CLDN10: variants seen among roughly 807,000 people sequenced by gnomAD.
CLDN10 encodes claudin-10.
Under a neutral mutation model 22.9 loss-of-function variants are expected in CLDN10, and 15 were observed. That is an observed-to-expected ratio of 0.65 (90% CI 0.44 to 1.01). CLDN10 has a LOEUF of 1.01. Ranked by LOEUF, CLDN10 falls within the 50% of genes least tolerant of loss-of-function variation. The pLI, the probability that CLDN10 is intolerant of heterozygous loss-of-function variation, is 0.00. For synonymous variants in CLDN10, 114 were observed against 111.4 expected (o/e 1.02, Z -0.15); for missense variants, 247 against 287.8 (o/e 0.86, Z 1.03).
chr13:95,533,538 A>T (rs1191994143), intron 1 of CLDN10, among the ~76,000 whole-genome samples: 2 of 152,212 alleles, frequency 1.3e-5, no homozygotes, highest in Non-Finnish European at 2.9e-5. Flanking sequence ...TTAAAAAATA[A>T]ATCACGCTGG....
intron 1 of CLDN10, among the ~76,000 whole-genome samples, chr13:95,510,530 ATC>A (rs2043085447): frequency 6.6e-6 from 1 of 152,150 alleles, no homozygotes; most frequent in Non-Finnish European, 1.5e-5. Context: ...TAAAGATCTT[ATC>A]TTTACATAGC....
intron 1 of CLDN10, among the ~76,000 whole-genome samples, chr13:95,540,594 A>G (rs9525015): frequency 0.042 from 6,452 of 152,340 alleles, 227 homozygotes; most frequent in Non-Finnish European, 0.068. Context: ...CTTGGCATAT[A>G]TGCATTCTTT....
At chr13:95,502,510 T>C (rs2042996442) in intron 1 of CLDN10, among the ~76,000 whole-genome samples, 1 of 151,056 alleles carries the variant, frequency 6.6e-6, no homozygotes, top group African/African-American at 2.4e-5. Flanking sequence ...GTTGTTGTGT[T>C]TTGTTTTGTT....
At chr13:95,512,517 G>A (rs373132251) in intron 1 of CLDN10, among the ~76,000 whole-genome samples, 12 of 152,172 alleles carry the variant, frequency 7.9e-5, no homozygotes, top group Non-Finnish European at 1.3e-4. Context: ...GGGGGATAGC[G>A]AGTGTTTTAA....
At chr13:95,523,341 T>C (rs1191348417) in intron 1 of CLDN10, among the ~76,000 whole-genome samples, 1 of 152,218 alleles carries the variant, frequency 6.6e-6, no homozygotes, top group Non-Finnish European at 1.5e-5. Flanking sequence ...TTGACCTATA[T>C]GCAATTCTTG....
intron 3 of CLDN10, among the ~76,000 whole-genome samples, chr13:95,571,893 T>C (rs1329327169): frequency 6.6e-6 from 1 of 152,214 alleles, no homozygotes; most frequent in African/African-American, 2.4e-5. Context: ...TGGCTGTTAC[T>C]ACTCTTGATT....
At chr13:95,509,800 T>C (rs953944830) in intron 1 of CLDN10, among the ~76,000 whole-genome samples, 1 of 152,132 alleles carries the variant, frequency 6.6e-6, no homozygotes, top group Admixed American at 6.5e-5. Context: ...TCTTTGTCTC[T>C]ACCTCCGACT....
chr13:95,561,959 C>T (rs1020720794), intron 3 of CLDN10, among the ~76,000 whole-genome samples: 8 of 145,904 alleles, frequency 5.5e-5, no homozygotes, highest in African/African-American at 7.6e-5. Flanking sequence ...ATGGAGTTTT[C>T]GCTCTTGTTG....
At chr13:95,571,558 C>T (rs1175544243) in intron 3 of CLDN10, among the ~76,000 whole-genome samples, 1 of 152,110 alleles carries the variant, frequency 6.6e-6, no homozygotes, top group Non-Finnish European at 1.5e-5. Context: ...AGAGACTGGA[C>T]CATGGCAGCC....
intron 1 of CLDN10, among the ~76,000 whole-genome samples, chr13:95,485,817 G>T (rs545577215): frequency 6.6e-6 from 1 of 152,322 alleles, no homozygotes; most frequent in African/African-American, 2.4e-5. Context: ...GGCATTGCAG[G>T]ATAAGTGCCT....
chr13:95,515,175 T>G (rs1325327805), intron 1 of CLDN10, among the ~76,000 whole-genome samples: 2 of 95,686 alleles, frequency 2.1e-5, no homozygotes, highest in Non-Finnish European at 4.4e-5. Context: ...ACCTGGCTAA[T>G]TACGTTTGTT....
At chr13:95,555,487 CT>C (rs2043626214) in intron 1 of CLDN10, among the ~76,000 whole-genome samples, 1 of 151,900 alleles carries the variant, frequency 6.6e-6, no homozygotes, top group African/African-American at 2.4e-5. Flanking sequence ...TCTGTTGTTT[CT>C]TTGTGGTTTC....
chr13:95,535,671 C>A lies in CLDN10; in HGVS notation c.215-24461C>A, dbSNP rs553418512. Among the ~76,000 whole-genome samples the A allele has an allele frequency of 5.9e-3, 889 of 151,882 alleles. 9 individuals carry two copies. The highest frequency in any genetic ancestry group is 0.021 in the African/African-American group (857 of 41,374). On this transcript the variant is annotated intron_variant, in intron 1 of 4. Transcript: ENST00000376873. ...GAAGATGTCCCATAGGCACATGGGA[C>A]ATCAGAAGAACTGATTCTGGGTCAG...
At chr13:95,443,416 G>T (rs1297072229) in intron 1 of CLDN10, among the ~76,000 whole-genome samples, 4 of 152,206 alleles carry the variant, frequency 2.6e-5, no homozygotes, top group Non-Finnish European at 2.9e-5. Context: ...GTTTTAATCG[G>T]GTGTGGTAAG....
At chr13:95,564,454 G>A (rs1168494837) in intron 3 of CLDN10, among the ~76,000 whole-genome samples, 3 of 152,212 alleles carry the variant, frequency 2.0e-5, no homozygotes, top group Non-Finnish European at 2.9e-5. Flanking sequence ...GTGAGAGACA[G>A]CGACTTGTCA....
At chr13:95,542,981 C>T (rs2043474369) in intron 1 of CLDN10, among the ~76,000 whole-genome samples, 1 of 151,378 alleles carries the variant, frequency 6.6e-6, no homozygotes, top group Non-Finnish European at 1.5e-5. Context: ...CCTGTAATCC[C>T]AGCACTTTGG....
intron 1 of CLDN10, among the ~76,000 whole-genome samples, chr13:95,443,432 C>T (rs2042343084): frequency 6.6e-6 from 1 of 152,156 alleles, no homozygotes; most frequent in African/African-American, 2.4e-5. Context: ...GTAAGATGCA[C>T]AGACATGGAA....
chr13:95,551,235 G>T (rs1280680866), upstream of CLDN10, among the ~76,000 whole-genome samples: 1 of 152,326 alleles, frequency 6.6e-6, no homozygotes, highest in East Asian at 1.9e-4. Context: ...ACATTGAAGA[G>T]AGACAGATTT....
intron 1 of CLDN10, among the ~76,000 whole-genome samples, chr13:95,506,092 G>A (rs115243038): frequency 6.6e-4 from 101 of 152,266 alleles, no homozygotes; most frequent in African/African-American, 2.3e-3. Flanking sequence ...TAGGGTTAGG[G>A]AATTCAACCT....
Sources: allele counts gnomAD v4.1 joint callset (sites outside exome capture counted in the v4.1 genomes callset), GRCh38; gene constraint gnomAD v4.1.1; transcripts MANE v1.5; gene names NCBI Gene and HGNC (gene_info 2026-07-23, HGNC 2026-07-21).